Variants in ZNF664 observed in about 807,000 individuals in gnomAD.
ZNF664 encodes zinc finger protein 664.
ZNF664 carries 10 observed loss-of-function variants against 18.2 expected under a neutral mutation model. The observed-to-expected ratio is 0.55, with a 90% confidence interval of 0.34 to 0.93. The LOEUF (loss-of-function observed/expected upper bound fraction) is 0.93. Among genes scored for constraint, ZNF664 ranks in the 40% least tolerant of loss-of-function variants. The probability of loss-of-function intolerance (pLI) is 0.02; values close to 1 mark genes in which losing one functional copy is unlikely to be tolerated. For missense variants in ZNF664, 193 were observed against 319.0 expected (o/e 0.61, Z 3.01); for synonymous variants, 119 against 104.2 (o/e 1.14, Z -0.86).
chr12:123,985,282 G>T lies in ZNF664; in HGVS notation c.-756-2761G>T, dbSNP rs75057637. On this transcript the variant is annotated intron_variant, in intron 2 of 4. Transcript: ENST00000337815. ...TTTTGTTTTTAACACCATCATCTCA[G>T]AATATAAGATCTAAGTTTCATGTAA... Among the ~76,000 whole-genome samples the T allele has an allele frequency of 6.5e-3, 987 of 152,274 alleles. 6 individuals are homozygous for T. Among genetic ancestry groups the T allele is most frequent in the African/African-American group, 0.022 (922 of 41,524 alleles).
Position 123,980,696 on chromosome 12 carries a change from C to T in ZNF664, c.-757+6676C>T, listed in dbSNP as rs112391620. ...AATTGTATACCTGATATGATGAAAACGCCCCAAAAAAAGTCCCAGCAGCCT... is the reference window on the plus strand; with the variant it reads ...AATTGTATACCTGATATGATGAAAATGCCCCAAAAAAAGTCCCAGCAGCCT... On this transcript the variant is annotated intron_variant, in intron 2 of 4. Coordinates refer to ENST00000337815, the MANE Select transcript of ZNF664 (RefSeq NM_152437.3). 5.0e-3 allele frequency among the ~76,000 whole-genome samples: 762 copies of T among 152,050 alleles called. 7 individuals carry two copies. The highest frequency in any genetic ancestry group is 0.018 in the African/African-American group (726 of 41,482).
chr12:123,991,992 A>G (rs1297247327), intron 3 of ZNF664, among the ~76,000 whole-genome samples: 1 of 152,240 alleles, frequency 6.6e-6, no homozygotes, highest in African/African-American at 2.4e-5. Context: ...ATTAGGAGTC[A>G]TTAGGCTAAG....
chr12:124,013,103 G>C lies in ZNF664; in HGVS notation c.*173G>C, dbSNP rs1957151790. The C allele has an allele frequency of 2.1e-6, 2 of 955,060 alleles. 1 individual carries two copies. The highest frequency in any genetic ancestry group is 3.6e-5 in the South Asian group (2 of 55,064). The allele number at this position is 955,060 out of a possible 1,614,324, so 59.2% of individuals were successfully genotyped here. On this transcript the variant is annotated 3_prime_UTR_variant, in exon 5 of 5. Coordinates refer to ENST00000337815, the MANE Select transcript of ZNF664 (RefSeq NM_152437.3). Reference sequence around the variant, plus strand: ...GGTTCATGCCAAGTGTGTTCCACAGGTTGACTTTGAATGTGGACCTCTGAG... The same window carrying C: ...GGTTCATGCCAAGTGTGTTCCACAGCTTGACTTTGAATGTGGACCTCTGAG...
intron 3 of ZNF664, among the ~76,000 whole-genome samples, chr12:124,008,886 GAACCCAGCC>G (rs1957103633): frequency 6.6e-6 from 1 of 151,932 alleles, no homozygotes; most frequent in Non-Finnish European, 1.5e-5. Flanking sequence ...CTCTGGCTTT[GAACCCAGCC>G]ATTCCTCCAA....
chr12:123,993,227 G>T, intron 3 of ZNF664, among the ~76,000 whole-genome samples: 1 of 152,136 alleles, frequency 6.6e-6, no homozygotes. Flanking sequence ...TCATTGAGGT[G>T]GCCAAGGGCA....
chr12:123,974,794 A>G (rs1956667000), intron 2 of ZNF664, among the ~76,000 whole-genome samples: 1 of 152,222 alleles, frequency 6.6e-6, no homozygotes, highest in Admixed American at 6.5e-5. Flanking sequence ...TTTTTTAACA[A>G]CTGCTGCACC....
intron 3 of ZNF664, among the ~76,000 whole-genome samples, chr12:124,010,932 T>G (rs749046776): frequency 6.6e-6 from 1 of 151,956 alleles, no homozygotes; most frequent in Non-Finnish European, 1.5e-5. Context: ...GCTTAGGGTG[T>G]TTGAGAGCTG....
At chr12:124,004,305 C>T (rs1957045782) in intron 3 of ZNF664, among the ~76,000 whole-genome samples, 1 of 152,136 alleles carries the variant, frequency 6.6e-6, no homozygotes, top group Non-Finnish European at 1.5e-5. Context: ...CAAACAGGGC[C>T]ACATTAGTAG....
intron 2 of ZNF664, among the ~76,000 whole-genome samples, chr12:123,981,823 C>G (rs191318978): frequency 6.6e-6 from 1 of 152,188 alleles, no homozygotes; most frequent in Non-Finnish European, 1.5e-5. Flanking sequence ...CTATACATAG[C>G]TATGGTATTA....
chr12:123,987,718 A>G (rs1956841795), intron 2 of ZNF664, among the ~76,000 whole-genome samples: 1 of 152,198 alleles, frequency 6.6e-6, no homozygotes, highest in Non-Finnish European at 1.5e-5. Context: ...TGAGTCAGTT[A>G]TCTTATACCT....
At chr12:123,993,977 C>A (rs1322835731) in intron 3 of ZNF664, among the ~76,000 whole-genome samples, 1 of 152,062 alleles carries the variant, frequency 6.6e-6, no homozygotes, top group African/African-American at 2.4e-5. Context: ...TGTAAGAATA[C>A]CTTAGTGAAT....
intron 3 of ZNF664, among the ~76,000 whole-genome samples, chr12:123,996,549 C>T (rs969492134): frequency 1.8e-4 from 27 of 152,156 alleles, no homozygotes; most frequent in Admixed American, 6.5e-5. Flanking sequence ...TCTCTTAGCT[C>T]TACCAGATTA....
intron 3 of ZNF664, among the ~76,000 whole-genome samples, chr12:124,002,806 A>G (rs1239394415): frequency 6.6e-6 from 1 of 152,142 alleles, no homozygotes; most frequent in African/African-American, 2.4e-5. Flanking sequence ...GTCCAGGGCT[A>G]GAGATAAAAA....
At chr12:123,992,302 A>G (rs1956898025) in intron 3 of ZNF664, among the ~76,000 whole-genome samples, 1 of 152,210 alleles carries the variant, frequency 6.6e-6, no homozygotes, top group South Asian at 2.1e-4. Context: ...TCAGGAGTCA[A>G]GCTGAGTCAC....
rs77491332 is a variant in ZNF664, at chr12:123,991,375, A to G, written c.-661+3237A>G. Among the ~76,000 whole-genome samples, 744 of 152,334 alleles carry G rather than the reference A, an allele frequency of 4.9e-3. 3 individuals are homozygous for G. The highest frequency in any genetic ancestry group is 0.017 in the African/African-American group (703 of 41,572). On this transcript the variant is annotated intron_variant, in intron 3 of 4. Transcript: ENST00000337815. Reference sequence around the variant, plus strand: ...GAAGGGAAAAGTTATGGGTGGGAACAGGGAGCAGCAGACACATAGGTATAA... The same window carrying G: ...GAAGGGAAAAGTTATGGGTGGGAACGGGGAGCAGCAGACACATAGGTATAA...
Position 123,975,360 on chromosome 12 carries a change from GTCT to G in ZNF664, c.-757+1345_-757+1347del, listed in dbSNP as rs766850476. 3.3e-5 allele frequency among the ~76,000 whole-genome samples: 5 copies of G among 150,974 alleles called. No individual in the cohort carries two copies. The South Asian group carries it at 6.3e-4, about 19-fold the overall frequency. On this transcript the variant is annotated intron_variant, in intron 2 of 4. Transcript: ENST00000337815. ...TTTATCAAGTACTGACAATACATTA[GTCT>G]TCTTAACAATATTTTGCAAAGCATT... is the stretch of plus-strand genomic sequence containing the variant.
Position 124,012,275 on chromosome 12 carries a change from C to G in ZNF664, c.131C>G (p.Ser44Ter). The G allele has an allele frequency of 6.2e-7, 1 of 1,614,194 alleles. No homozygotes were observed. The highest frequency in any genetic ancestry group is 8.5e-7 in the Non-Finnish European group (1 of 1,180,034). The stretch of plus-strand genomic sequence containing the variant: ...TGTGATAAGGGTTTCTTTCATATAT[C>G]AGAACTTCATATTCATTGGAGAGAC... ...DKCDKGFFHI[S>*]ELHIHWRDHT... Residue 44 changes from serine to a stop codon, truncating the protein, a stop_gained, in exon 5 of 5, where the codon TCA (serine) becomes TGA (stop). Coordinates refer to ENST00000337815, the MANE Select transcript of ZNF664 (RefSeq NM_152437.3). LOFTEE classifies it high-confidence loss of function.
chr12:123,985,742 G>C (rs905523242), intron 2 of ZNF664, among the ~76,000 whole-genome samples: 4 of 152,182 alleles, frequency 2.6e-5, no homozygotes, highest in Non-Finnish European at 5.9e-5. Flanking sequence ...GCAGGTTCCA[G>C]CTTAGGCCCA....
chr12:123,988,781 C>G (rs1345509194), intron 3 of ZNF664, among the ~76,000 whole-genome samples: 1 of 151,184 alleles, frequency 6.6e-6, no homozygotes, highest in Non-Finnish European at 1.5e-5. Flanking sequence ...TTTTTCCCTT[C>G]TTTGGCTCAA....
Sources: allele counts gnomAD v4.1 joint callset (sites outside exome capture counted in the v4.1 genomes callset), GRCh38; gene constraint gnomAD v4.1.1; transcripts MANE v1.5; gene names NCBI Gene and HGNC (gene_info 2026-07-23, HGNC 2026-07-21).